ADGRL2: variants seen among roughly 807,000 people sequenced by gnomAD.
ADGRL2 encodes adhesion G protein-coupled receptor L2, also known as calcium-independent alpha-latrotoxin receptor 2.
ADGRL2 carries 44 observed loss-of-function variants against 157.4 expected under a neutral mutation model. The ratio of observed to expected loss-of-function variants is 0.28; its 90% confidence interval spans 0.22 to 0.36. ADGRL2 has a LOEUF of 0.36. Ranked by LOEUF, ADGRL2 falls within the 10% of genes least tolerant of loss-of-function variation. ADGRL2 has a pLI of 1.00. For synonymous variants in ADGRL2, 585 were observed against 624.7 expected (o/e 0.94, Z 0.95); for missense variants, 1,510 against 1,768.9 (o/e 0.85, Z 2.63).
intron 1 of ADGRL2, among the ~76,000 whole-genome samples, chr1:81,352,483 G>C (rs1422284254): frequency 2.6e-5 from 4 of 152,178 alleles, no homozygotes; most frequent in Non-Finnish European, 1.5e-5. Context: ...TCTTAGGTCA[G>C]GCAGTGTGCT....
At chr1:81,914,737 T>C (rs1429516881) in intron 3 of ADGRL2, among the ~76,000 whole-genome samples, 1 of 152,202 alleles carries the variant, frequency 6.6e-6, no homozygotes, top group Non-Finnish European at 1.5e-5. Context: ...CCTAGTTGTT[T>C]CAAGACAACT....
chr1:81,990,712 T>C lies in ADGRL2; in HGVS notation c.3977T>C (p.Leu1326Pro). ...TTAATGCACAGCGACAACCCAGGGC[T>C]GGAGCTCCATCACAAAGAACTCGAG... ...SSLMHSDNPG[L>P]ELHHKELEAP... The change falls in exon 24 of 24, where the codon CTG (leucine) becomes CCG (proline). Residue 1326 changes from leucine (L) to proline (P), a missense_variant. Transcript: ENST00000686636. 1.2e-6 allele frequency: 2 copies of C among 1,614,154 alleles called. No homozygotes were observed.
At chr1:81,927,037 T>C (rs1452475797) in intron 3 of ADGRL2, among the ~76,000 whole-genome samples, 1 of 152,198 alleles carries the variant, frequency 6.6e-6, no homozygotes, top group East Asian at 1.9e-4. Context: ...TTTTGGAGTT[T>C]CTAAGTTGTA....
intron 6 of ADGRL2, among the ~76,000 whole-genome samples, chr1:81,949,128 TCTA>T (rs1490802609): frequency 9.2e-5 from 14 of 152,314 alleles, no homozygotes; most frequent in African/African-American, 3.4e-4. Flanking sequence ...TTTCATTTGC[TCTA>T]CTACAACAAT....
intron 2 of ADGRL2, among the ~76,000 whole-genome samples, chr1:81,528,646 CAAAAAAAAAAAAAAAAAAAAAA>C (rs59842382): frequency 8.7e-6 from 1 of 114,662 alleles, no homozygotes; most frequent in Non-Finnish European, 1.8e-5. Context: ...GACTCCATCT[CAAAAAAAAAAAAAAAAAAAAAA>C]AAAAAAAGAA....
chr1:81,474,532 A>C (rs1331023095), intron 2 of ADGRL2, among the ~76,000 whole-genome samples: 2 of 152,214 alleles, frequency 1.3e-5, no homozygotes, highest in Non-Finnish European at 2.9e-5. Flanking sequence ...TGTTCAGAAA[A>C]GCAAGGTCCA....
At chr1:81,341,968 G>A (rs1222211111) in intron 1 of ADGRL2, among the ~76,000 whole-genome samples, 1 of 152,150 alleles carries the variant, frequency 6.6e-6, no homozygotes, top group African/African-American at 2.4e-5. Context: ...AAGATGGGTA[G>A]TGGTTACTAT....
chr1:81,727,351 T>A (rs2149159676), intron 1 of ADGRL2, among the ~76,000 whole-genome samples: 1 of 152,344 alleles, frequency 6.6e-6, no homozygotes, highest in South Asian at 2.1e-4. Flanking sequence ...AATGTTTTAG[T>A]ACATATTTAT....
chr1:81,465,279 A>T (rs914719779), intron 2 of ADGRL2, among the ~76,000 whole-genome samples: 1 of 152,182 alleles, frequency 6.6e-6, no homozygotes, highest in Non-Finnish European at 1.5e-5. Context: ...ATCTTTTTAC[A>T]TTTGGATTTT....
At chr1:81,542,647 G>A (rs752976078) in intron 2 of ADGRL2, among the ~76,000 whole-genome samples, 3 of 152,158 alleles carry the variant, frequency 2.0e-5, no homozygotes, top group Non-Finnish European at 4.4e-5. Flanking sequence ...TCCACTGTGG[G>A]AAGAGGGCAT....
At chr1:81,321,369 A>C (rs1660486348) in intron 1 of ADGRL2, among the ~76,000 whole-genome samples, 1 of 152,194 alleles carries the variant, frequency 6.6e-6, no homozygotes, top group Admixed American at 6.5e-5. Context: ...TTTCCTTTGC[A>C]TTCCCAAGTT....
intron 2 of ADGRL2, among the ~76,000 whole-genome samples, chr1:81,511,016 A>G (rs531714132): frequency 6.6e-6 from 1 of 152,320 alleles, no homozygotes; most frequent in Admixed American, 6.5e-5. Context: ...TTAGCACTGA[A>G]TGTGAATGGA....
rs548792459 is a variant in ADGRL2 at position 81,948,318 on chromosome 1, C to T, written c.1211-1871C>T. ...GTAGAATGTTGCATGAAATTTTGCA[C>T]ATTTAATTGAGGTCCTTTTAATGTC... On this transcript the variant is annotated intron_variant, in intron 6 of 23. Transcript: ENST00000686636. Among the ~76,000 whole-genome samples the T allele has an allele frequency of 2.7e-5, 4 of 150,868 alleles. 1 individual carries two copies. The highest frequency in any genetic ancestry group is 6.9e-3 in the Middle Eastern group (2 of 290).
chr1:81,328,482 G>A (rs565852009), intron 1 of ADGRL2, among the ~76,000 whole-genome samples: 105 of 152,182 alleles, frequency 6.9e-4, no homozygotes, highest in Middle Eastern at 3.4e-3. Context: ...TCAGTACTAG[G>A]TTAGAAGCTT....
At chr1:81,878,555 T>C (rs962867398) in intron 2 of ADGRL2, among the ~76,000 whole-genome samples, 1 of 152,162 alleles carries the variant, frequency 6.6e-6, no homozygotes, top group African/African-American at 2.4e-5. Flanking sequence ...AAGGAGGACA[T>C]TTATTCATTA....
At chr1:81,887,131 T>C (rs1024269511) in intron 2 of ADGRL2, among the ~76,000 whole-genome samples, 3 of 152,240 alleles carry the variant, frequency 2.0e-5, no homozygotes, top group Non-Finnish European at 4.4e-5. Context: ...TTGAGAAGAA[T>C]TACTGCTTTG....
At chr1:81,733,442 A>G (rs550070626) in intron 1 of ADGRL2, among the ~76,000 whole-genome samples, 46 of 152,226 alleles carry the variant, frequency 3.0e-4, no homozygotes, top group African/African-American at 1.1e-3. Flanking sequence ...CTGCCTTCTC[A>G]CTGTTCTCAC....
Position 81,971,906 on chromosome 1 carries a change from C to CT in ADGRL2, c.3011dup (p.Ile1005HisfsTer28). On this transcript the variant is annotated frameshift_variant, in exon 17 of 24. Transcript: ENST00000686636. LOFTEE classifies it high-confidence loss of function. ...TATGGAGCTTCATTGGACCTGTTACCTTCATTATTCTGGTAAGCAGGTTCT... is the reference window on the plus strand; with the variant it reads ...TATGGAGCTTCATTGGACCTGTTACCTTTCATTATTCTGGTAAGCAGGTTCT... The CT allele has an allele frequency of 6.2e-7, 1 of 1,610,090 alleles. No homozygotes were observed. Among genetic ancestry groups the CT allele is most frequent in the South Asian group, 1.1e-5 (1 of 90,736 alleles).
rs371474183 is a variant in ADGRL2 at position 81,753,249 on chromosome 1, G to A, written c.-142-8562G>A. On this transcript the variant is annotated intron_variant, in intron 1 of 20. Transcript: ENST00000359929. ...GCCTCACAATCATGGCAGAAGGCAA[G>A]AAGGAGCAAGTCACATCTTAATGTG... Among the ~76,000 whole-genome samples the A allele has an allele frequency of 1.8e-4, 28 of 152,320 alleles. No homozygotes were observed. In the East Asian group the frequency reaches 2.5e-3, roughly 14 times the overall value.
Sources: gnomAD v4.1 joint callset for allele counts (sites outside exome capture counted in the v4.1 genomes callset) on GRCh38, gnomAD v4.1.1 for gene constraint, MANE v1.5 for transcripts, NCBI Gene and HGNC (gene_info 2026-07-23, HGNC 2026-07-21) for gene names.